The following ABCA13 variants were observed in gnomAD, a reference collection of about 807,000 sequenced individuals.
The protein encoded by ABCA13 is ATP binding cassette subfamily A member 13.
In ABCA13, 476 loss-of-function variants were observed where a neutral mutation model predicts 478.7. The ratio of observed to expected loss-of-function variants is 0.99; its 90% CI spans 0.92 to 1.07. The LOEUF (loss-of-function observed/expected upper bound fraction) is 1.07, where lower values mean the gene tolerates loss of function less well. Among genes scored for constraint, ABCA13 ranks in the 50% least tolerant of loss-of-function variants. The probability of loss-of-function intolerance (pLI) is 0.00; values close to 1 mark genes in which losing one functional copy is unlikely to be tolerated. For missense variants in ABCA13, 6,060 were observed against 5,910.6 expected, an observed-to-expected ratio of 1.03 and a Z score of -0.83; for synonymous variants, 2,252 against 2,158.9, an observed-to-expected ratio of 1.04 and a Z score of -1.20.
intron 40 of ABCA13, 103 bp from the exon 41 acceptor site, chr7:48,412,250 G>A: frequency 1.2e-6 from 1 of 803,320 alleles, no homozygotes; most frequent in Non-Finnish European, 1.9e-6. Context: ...GCTTTGAAAT[G>A]GAGTTTTGAA....
chr7:48,177,850 T>G (rs991702289), intron 1 of ABCA13, among the ~76,000 whole-genome samples: 3 of 152,234 alleles, frequency 2.0e-5, no homozygotes, highest in Admixed American at 6.5e-5. Flanking sequence ...TGTGGGATCT[T>G]GGGGCTTGGC....
At chr7:48,185,397 C>T (rs1796226458) in intron 1 of ABCA13, among the ~76,000 whole-genome samples, 1 of 152,062 alleles carries the variant, frequency 6.6e-6, no homozygotes, top group African/African-American at 2.4e-5. Flanking sequence ...CATTCTTCTC[C>T]CAAATACATT....
chr7:48,186,325 TCTAGATTG>T (rs1796345022), intron 1 of ABCA13, among the ~76,000 whole-genome samples: 1 of 152,112 alleles, frequency 6.6e-6, no homozygotes, highest in Admixed American at 6.6e-5. Context: ...GGTATACAAT[TCTAGATTG>T]ACAGAATTTC....
rs530827537 is a variant in ABCA13, at chr7:48,494,219, G to A, written c.13291+4875G>A. ...GGACAGAGATGAAATGAACCTGGGAGCAGTGGATGACATGCATGGTAGATT... is the reference window on the plus strand; with the variant it reads ...GGACAGAGATGAAATGAACCTGGGAACAGTGGATGACATGCATGGTAGATT... On this transcript the variant is annotated intron_variant, in intron 48 of 61. Coordinates refer to ENST00000435803, the MANE Select transcript of ABCA13 (RefSeq NM_152701.5). 2.6e-5 allele frequency among the ~76,000 whole-genome samples: 4 copies of A among 152,306 alleles called. 1 individual carries two copies. The South Asian group carries it at 8.3e-4, about 32-fold the overall frequency.
chr7:48,314,321 T>C lies in ABCA13; in HGVS notation c.9771T>C (p.Leu3257=). Residue 3257 remains leucine (L), a synonymous_variant, in exon 26 of 62, where the codon CTT becomes CTC. Coordinates refer to ENST00000435803, the MANE Select transcript of ABCA13 (RefSeq NM_152701.5). The part of the protein sequence containing the change: ...KMVCKDQASF[L]SDSNMFINLP... Reference sequence around the variant, plus strand: ...TTTGCAAGGACCAAGCATCATTCCTTAGCGATTCTAATATGTTTATTAATT... The same window carrying C: ...TTTGCAAGGACCAAGCATCATTCCTCAGCGATTCTAATATGTTTATTAATT... 6.2e-7 allele frequency: 1 copy of C among 1,613,536 alleles called. No individual in the cohort carries two copies. The highest frequency in any genetic ancestry group is 1.3e-5 in the African/African-American group (1 of 75,042).
At chr7:48,493,593 G>C (rs1366944325) in intron 48 of ABCA13, among the ~76,000 whole-genome samples, 1 of 152,078 alleles carries the variant, frequency 6.6e-6, no homozygotes, top group Non-Finnish European at 1.5e-5. Flanking sequence ...CAGTTGTAAA[G>C]GTTAAACTTC....
intron 59 of ABCA13, among the ~76,000 whole-genome samples, chr7:48,624,772 C>G (rs1793505069): frequency 6.6e-6 from 1 of 152,118 alleles, no homozygotes; most frequent in Non-Finnish European, 1.5e-5. Context: ...TCAGGCAGGT[C>G]TTGAACTCCT....
At chr7:48,633,931 C>CATAGATAG (rs58253125) in intron 59 of ABCA13, among the ~76,000 whole-genome samples, 28 of 145,008 alleles carry the variant, frequency 1.9e-4, no homozygotes, top group Non-Finnish European at 2.6e-4. Flanking sequence ...TAGATAGATA[C>CATAGATAG]ATAGATAGAT....
chr7:48,210,609 A>C (rs1426158755), intron 3 of ABCA13, among the ~76,000 whole-genome samples: 1 of 152,040 alleles, frequency 6.6e-6, no homozygotes, highest in Non-Finnish European at 1.5e-5. Context: ...GTGGTAATTC[A>C]GGGGCATATT....
intron 20 of ABCA13, among the ~76,000 whole-genome samples, chr7:48,288,336 G>T (rs1798050561): frequency 6.6e-6 from 1 of 152,150 alleles, no homozygotes; most frequent in Non-Finnish European, 1.5e-5. Context: ...CAAGCTGGTT[G>T]TTAAACATAG....
At position 48,448,073 on chromosome 7, in the gene ABCA13, A is replaced by G. The variant is rs113465931; in HGVS notation, c.12566-6964A>G. ...TTCCAAGAGGAGCTGTCTGAGCCAG[A>G]CTTCCAATGGGCAGATGCCTGACAA... On this transcript the variant is annotated intron_variant, in intron 42 of 61. Transcript: ENST00000435803. Among the ~76,000 whole-genome samples, 373 of 152,324 alleles carry G rather than the reference A, an allele frequency of 2.4e-3. 3 individuals carry two copies. The highest frequency in any genetic ancestry group is 8.7e-3 in the African/African-American group (361 of 41,562).
At chr7:48,335,648 C>A in intron 28 of ABCA13, 113 bp downstream of exon 28, 2 of 646,416 alleles carry the variant, frequency 3.1e-6, no homozygotes, top group Non-Finnish European at 4.9e-6. Context: ...CATAGTGGTT[C>A]TAGTTGACTC....
chr7:48,498,992 A>C (rs1311678851), intron 48 of ABCA13, among the ~76,000 whole-genome samples: 2 of 152,218 alleles, frequency 1.3e-5, no homozygotes, highest in Non-Finnish European at 2.9e-5. Flanking sequence ...CATGTAGAGA[A>C]AATTCTCAAC....
intron 59 of ABCA13, among the ~76,000 whole-genome samples, chr7:48,620,171 A>G (rs1188411931): frequency 7.4e-6 from 1 of 134,798 alleles, no homozygotes; most frequent in Non-Finnish European, 1.5e-5. Context: ...GGAAATAGCG[A>G]AATATCTTAG....
In ABCA13 at chr7:48,314,363, A is replaced by G. The variant is rs777008418; in HGVS notation, c.9813A>G (p.Glu3271=). Residue 3271 remains glutamate (E), a synonymous_variant, in exon 26 of 62, where the codon GAA becomes GAG. Coordinates refer to ENST00000435803, the MANE Select transcript of ABCA13 (RefSeq NM_152701.5). ...NMFINLPRVK[E]LLEDDKEKFN... ...TTATTAATTTGCCCAGAGTTAAGGA[A>G]CTCTTGGAAGATGACAAAGAAAAAT... 27 of 1,608,364 alleles carry G rather than the reference A, an allele frequency of 1.7e-5. No homozygotes were observed. The highest frequency in any genetic ancestry group is 3.3e-4 in the Middle Eastern group (2 of 6,074).
intron 55 of ABCA13, among the ~76,000 whole-genome samples, chr7:48,539,419 A>C (rs1395160131): frequency 6.6e-6 from 1 of 151,744 alleles, no homozygotes; most frequent in Non-Finnish European, 1.5e-5. Context: ...TTCATTTACT[A>C]GTTTGGATAA....
At chr7:48,335,875 G>T (rs1313114058) in intron 28 of ABCA13, among the ~76,000 whole-genome samples, 2 of 152,068 alleles carry the variant, frequency 1.3e-5, no homozygotes, top group African/African-American at 4.8e-5. Context: ...ATTCTGTATT[G>T]ATAACTTAAT....
intron 45 of ABCA13, among the ~76,000 whole-genome samples, chr7:48,480,820 T>C (rs1828679805): frequency 6.6e-6 from 1 of 152,208 alleles, no homozygotes; most frequent in African/African-American, 2.4e-5. Flanking sequence ...AGTTCTCAGA[T>C]ATAATTGACT....
At chr7:48,376,008 A>G (rs1357953323) in intron 34 of ABCA13, among the ~76,000 whole-genome samples, 1 of 152,202 alleles carries the variant, frequency 6.6e-6, no homozygotes, top group East Asian at 1.9e-4. Flanking sequence ...TAAAAAAATA[A>G]TAATAATTTC....
Sources: gnomAD v4.1 joint callset for allele counts (sites outside exome capture counted in the v4.1 genomes callset) on GRCh38, gnomAD v4.1.1 for gene constraint, MANE v1.5 for transcripts, NCBI Gene and HGNC (gene_info 2026-07-23, HGNC 2026-07-21) for gene names.